The following NTSR1 variants were observed in gnomAD, a reference collection of about 807,000 sequenced individuals.
The protein encoded by NTSR1 is neurotensin receptor type 1.
A neutral mutation model predicts 31.2 loss-of-function variants in NTSR1; 29 were observed. That is an observed-to-expected ratio of 0.93 (90% CI 0.69 to 1.27). The LOEUF (loss-of-function observed/expected upper bound fraction) is 1.27. Ranked by LOEUF, NTSR1 falls within the 50% of genes most tolerant of loss-of-function variation. The pLI is 0.00. For missense variants in NTSR1, 697 were observed against 595.4 expected (o/e 1.17, Z -1.78); for synonymous variants, 282 against 269.9 (o/e 1.04, Z -0.44).
chr20:62,717,491 G>A (rs1988752645), intron 1 of NTSR1, among the ~76,000 whole-genome samples: 1 of 152,234 alleles, frequency 6.6e-6, no homozygotes, highest in South Asian at 2.1e-4. Context: ...CAAATGGTGT[G>A]ACCATCTGTG....
intron 1 of NTSR1, among the ~76,000 whole-genome samples, chr20:62,722,327 G>A (rs1348633302): frequency 6.6e-6 from 1 of 152,210 alleles, no homozygotes; most frequent in Non-Finnish European, 1.5e-5. Context: ...GGGTTTGGAG[G>A]CCTTGCTCTA....
Position 62,709,098 on chromosome 20 carries a change from C to T in NTSR1, c.-110C>T, listed in dbSNP as rs1988534024. ...GGCGCGCCCGCTGGTCTTCGCCACG[C>T]GCCCTCCCCTGGGCTCCCGTTCATC... On this transcript the variant is annotated 5_prime_UTR_variant, in exon 1 of 4. Transcript: ENST00000370501. 3 of 900,480 alleles carry T rather than the reference C, an allele frequency of 3.3e-6. No individual in the cohort carries two copies. Among genetic ancestry groups the T allele is most frequent in the Non-Finnish European group, 4.6e-6 (3 of 654,674 alleles). The allele number at this position is 900,480 out of a possible 1,614,324, so 55.8% of individuals were successfully genotyped here. A position where few individuals can be genotyped will look rare whatever the true frequency, so the allele number is the denominator to read the frequency against.
intron 1 of NTSR1, among the ~76,000 whole-genome samples, chr20:62,748,969 G>T (rs1380436659): frequency 2.0e-5 from 3 of 152,050 alleles, no homozygotes; most frequent in African/African-American, 7.2e-5. Context: ...CTGGGCCTTG[G>T]ACTTCCCAGC....
Position 62,708,863 on chromosome 20 carries a change from G to A in NTSR1, c.-345G>A. 1 of 262,316 alleles carries A rather than the reference G, an allele frequency of 3.8e-6. No homozygotes were observed. The highest frequency in any genetic ancestry group is 2.2e-5 in the African/African-American group (1 of 45,058). The allele number at this position is 262,316 out of a possible 1,614,324, so 16.2% of individuals were successfully genotyped here. Reference sequence around the variant, plus strand: ...AAGCTCGCCCCGCGCAGCCCGAGCCGGGCTGGGCGCTGTCCTCGGGGGCCT... The same window carrying A: ...AAGCTCGCCCCGCGCAGCCCGAGCCAGGCTGGGCGCTGTCCTCGGGGGCCT... On this transcript the variant is annotated 5_prime_UTR_variant, in exon 1 of 4. Transcript: ENST00000370501. This position sits in a 1 kb window ranked among gnomAD's most constrained non-coding sequence, Gnocchi z 5.9.
chr20:62,757,097 C>G (rs1048658257), intron 2 of NTSR1, among the ~76,000 whole-genome samples: 1 of 152,198 alleles, frequency 6.6e-6, no homozygotes, highest in Non-Finnish European at 1.5e-5. Context: ...TTCAATTTAT[C>G]TACTTTTTTC....
In NTSR1 at chr20:62,709,671, C is replaced by A; in HGVS notation, c.464C>A (p.Thr155Lys). Reference sequence around the variant, plus strand: ...CTGCGCGACGCCTGCACCTACGCCACGGCCCTCAACGTGGCCAGCCTGAGT... The same window carrying A: ...CTGCGCGACGCCTGCACCTACGCCAAGGCCCTCAACGTGGCCAGCCTGAGT... ...YFLRDACTYATALNVASLSVE... is the reference protein window; with the variant it reads ...YFLRDACTYAKALNVASLSVE... The change falls in exon 1 of 4, where the codon ACG becomes AAG. Residue 155 changes from threonine (T) to lysine (K), a missense_variant. Coordinates refer to ENST00000370501, the MANE Select transcript of NTSR1 (RefSeq NM_002531.3). 1 of 1,612,722 alleles carries A rather than the reference C, an allele frequency of 6.2e-7. No individual in the cohort carries two copies. Among genetic ancestry groups the A allele is most frequent in the Non-Finnish European group, 8.5e-7 (1 of 1,179,880 alleles).
rs937621573 is a variant in NTSR1 at position 62,709,850 on chromosome 20, G to A, written c.643G>A (p.Asp215Asn). 16 of 1,608,744 alleles carry A rather than the reference G, an allele frequency of 9.9e-6. No individual in the cohort carries two copies. Among genetic ancestry groups the A allele is most frequent in the Middle Eastern group, 3.3e-4 (2 of 6,048 alleles). Reference sequence around the variant, plus strand: ...CATGGGCGAGCAGAACCGCAGCGCCGACGGCCAGCACGCCGGCGGCCTGGT... The same window carrying A: ...CATGGGCGAGCAGAACCGCAGCGCCAACGGCCAGCACGCCGGCGGCCTGGT... ...FTMGEQNRSA[D>N]GQHAGGLVCT... The change falls in exon 1 of 4, where the codon GAC (aspartate) becomes AAC (asparagine). Residue 215 changes from aspartate (D) to asparagine (N), a missense_variant. Physicochemically the swap from Asp to Asn is conservative, Grantham distance 23. Transcript: ENST00000370501.
chr20:62,737,598 G>A (rs375565961), intron 1 of NTSR1, among the ~76,000 whole-genome samples: 2 of 152,206 alleles, frequency 1.3e-5, no homozygotes, highest in African/African-American at 4.8e-5. Flanking sequence ...GGCCTGAGGA[G>A]AGCCTGGAGA....
At chr20:62,721,281 C>T (rs1988823754) in intron 1 of NTSR1, among the ~76,000 whole-genome samples, 1 of 152,198 alleles carries the variant, frequency 6.6e-6, no homozygotes. Context: ...GTAATGCCTG[C>T]TTTAAAGTCT....
chr20:62,710,138 T>C (rs1029595710), intron 1 of NTSR1, among the ~76,000 whole-genome samples: 9 of 152,230 alleles, frequency 5.9e-5, no homozygotes, highest in South Asian at 2.1e-4. Flanking sequence ...AGCCCCTGCC[T>C]GTGACCTCTC....
At position 62,709,182 on chromosome 20, in the gene NTSR1, C is replaced by G. The variant is rs1042356998; in HGVS notation, c.-26C>G. 2.9e-6 allele frequency: 4 copies of G among 1,393,320 alleles called. No individual in the cohort carries two copies. Among genetic ancestry groups the G allele is most frequent in the Non-Finnish European group, 3.7e-6 (4 of 1,080,464 alleles). 86.3% of individuals were successfully genotyped at this position (1,393,320 alleles called of 1,614,324 possible). A position where few individuals can be genotyped will look rare whatever the true frequency, so the allele number is the denominator to read the frequency against. ...GACTTCCAGCCCCGGAGGCGCCGGA[C>G]AGAGCCGCGGACTCCAGCGCCCACC... On this transcript the variant is annotated 5_prime_UTR_variant, in exon 1 of 4. Coordinates refer to ENST00000370501, the MANE Select transcript of NTSR1 (RefSeq NM_002531.3).
chr20:62,743,432 G>A lies in NTSR1; in HGVS notation c.715-11253G>A, dbSNP rs929734482. 3.3e-5 allele frequency among the ~76,000 whole-genome samples: 5 copies of A among 152,172 alleles called. No homozygotes were observed. Among genetic ancestry groups the A allele is most frequent in the Non-Finnish European group, 7.4e-5 (5 of 68,026 alleles). ...CAAGTCAGTGTTTGCTGGGTCTAGT[G>A]GGGGCCTCTCCACCTGGAGTCTGTC... On this transcript the variant is annotated intron_variant, in intron 1 of 3. Coordinates refer to ENST00000370501, the MANE Select transcript of NTSR1 (RefSeq NM_002531.3). This position sits in a 1 kb window ranked among gnomAD's most constrained non-coding sequence, Gnocchi z 7.5.
At chr20:62,730,875 C>T (rs1251787886) in intron 1 of NTSR1, among the ~76,000 whole-genome samples, 2 of 152,244 alleles carry the variant, frequency 1.3e-5, no homozygotes, top group East Asian at 1.9e-4. Context: ...TCCATTGCTA[C>T]GTCTTCTTTG....
intron 1 of NTSR1, among the ~76,000 whole-genome samples, chr20:62,724,525 T>G (rs1988874098): frequency 6.6e-6 from 1 of 152,216 alleles, no homozygotes; most frequent in Non-Finnish European, 1.5e-5. Flanking sequence ...AATAACTGCA[T>G]TTGTGTCCGA....
rs780889675 is a variant in NTSR1 at position 62,709,932 on chromosome 20, G to T, written c.714+11G>T. 3.8e-6 allele frequency: 6 copies of T among 1,569,820 alleles called. No individual in the cohort carries two copies. In the African/African-American group the frequency reaches 5.4e-5, roughly 14 times the overall value. The stretch of plus-strand genomic sequence containing the variant: ...AAGGTCGTCATACAGGTGAGCCTCA[G>T]TAACCAGCCCCGGGGCTCCCCTCTC... On this transcript the variant is annotated intron_variant, in intron 1 of 3. Transcript: ENST00000370501.
chr20:62,737,718 C>A (rs918487858), intron 1 of NTSR1, among the ~76,000 whole-genome samples: 1 of 151,980 alleles, frequency 6.6e-6, no homozygotes, highest in Non-Finnish European at 1.5e-5. Flanking sequence ...ACACCTGGGT[C>A]CCTCCCTGGC....
chr20:62,719,033 C>T (rs1988784550), intron 1 of NTSR1, among the ~76,000 whole-genome samples: 1 of 151,822 alleles, frequency 6.6e-6, no homozygotes, highest in Non-Finnish European at 1.5e-5. Context: ...TCTTGCCTCA[C>T]TGCTCTGGCT....
rs1304634202 is a variant in NTSR1 at position 62,760,888 on chromosome 20, CGCAGGCAGCTGCAG to C, written c.*622_*635del. The stretch of plus-strand genomic sequence containing the variant: ...GGGGAGTCCCTCCCACCACCCTCGC[CGCAGGCAGCTGCAG>C]CCCCCAGAGGGGACCACAAGCCCAA... On this transcript the variant is annotated 3_prime_UTR_variant, in exon 4 of 4. Coordinates refer to ENST00000370501, the MANE Select transcript of NTSR1 (RefSeq NM_002531.3). The C allele has an allele frequency of 1.3e-5, 2 of 152,624 alleles. No individual in the cohort carries two copies. Among genetic ancestry groups the C allele is most frequent in the Non-Finnish European group, 2.9e-5 (2 of 68,358 alleles). 9.5% of individuals were successfully genotyped at this position (152,624 alleles called of 1,614,324 possible).
At chr20:62,721,102 A>G (rs1004043385) in intron 1 of NTSR1, among the ~76,000 whole-genome samples, 2 of 152,250 alleles carry the variant, frequency 1.3e-5, no homozygotes, top group African/African-American at 4.8e-5. Context: ...GTGCTGTGCT[A>G]TCATTGCTGG....
Sources: gnomAD v4.1 joint callset for allele counts (sites outside exome capture counted in the v4.1 genomes callset) on GRCh38, gnomAD v4.1.1 for gene constraint, Gnocchi (gnomAD v3.1) non-coding constraint, MANE v1.5 for transcripts, NCBI Gene and HGNC (gene_info 2026-07-23, HGNC 2026-07-21) for gene names.